CETN3: variants seen among roughly 807,000 people sequenced by gnomAD.
CETN3 encodes the protein centrin-3.
A neutral mutation model predicts 20.1 loss-of-function variants in CETN3; 17 were observed. The ratio of observed to expected loss-of-function variants is 0.85; its 90% confidence interval spans 0.58 to 1.27. The LOEUF (loss-of-function observed/expected upper bound fraction) is 1.27, where lower values mean the gene tolerates loss of function less well. Among genes scored for constraint, CETN3 ranks in the 50% most tolerant of loss-of-function variants. The pLI, the probability that CETN3 is intolerant of heterozygous loss-of-function variation, is 0.00. For synonymous variants in CETN3, 52 were observed against 59.7 expected (o/e 0.87, Z 0.59); for missense variants, 169 against 191.2 (o/e 0.88, Z 0.69).
intron 4 of CETN3, chr5:90,396,585 T>C: frequency 1.0e-5 from 15 of 1,493,570 alleles, no homozygotes; most frequent in Non-Finnish European, 1.3e-5. Context: ...AGAAAAAACA[T>C]AAAACAGCCT....
intron 3 of CETN3, among the ~76,000 whole-genome samples, chr5:90,403,919 G>A (rs1473456866): frequency 7.0e-6 from 1 of 143,728 alleles, no homozygotes; most frequent in Non-Finnish European, 1.5e-5. Context: ...TTTAAATTGT[G>A]TTCATTTAAG....
rs979035095 is a variant in CETN3 at position 90,393,410 on chromosome 5, T to C, written c.*654A>G. 4 of 152,168 alleles carry C rather than the reference T, an allele frequency of 2.6e-5. No individual in the cohort carries two copies. In the East Asian group the frequency reaches 7.7e-4, roughly 29 times the overall value. 9.4% of individuals were successfully genotyped at this position (152,168 alleles called of 1,614,324 possible). ...AGAAAATTAACTTTCATACTTACAA[T>C]GATACCAAGTTAAGAAACATAATAC... On this transcript the variant is annotated 3_prime_UTR_variant, in exon 5 of 5. Transcript: ENST00000283122.
In CETN3 at chr5:90,407,846, A is replaced by T; in HGVS notation, c.18-12T>A. On this transcript the variant is annotated splice_polypyrimidine_tract_variant and intron_variant, in intron 1 of 4. Coordinates refer to ENST00000283122, the MANE Select transcript of CETN3 (RefSeq NM_004365.4). Reference sequence around the variant, plus strand: ...CTACAAGCTCACTTCTATGAAATGGAAAGAAAAAGCCCTTAGTCCACTTTA... The same window carrying T: ...CTACAAGCTCACTTCTATGAAATGGTAAGAAAAAGCCCTTAGTCCACTTTA... 1 of 1,560,598 alleles carries T rather than the reference A, an allele frequency of 6.4e-7. No individual in the cohort carries two copies. Among genetic ancestry groups the T allele is most frequent in the African/African-American group, 1.4e-5 (1 of 72,412 alleles).
chr5:90,399,206 T>A lies in CETN3; in HGVS notation c.460+152A>T, dbSNP rs375468592. 3 of 671,524 alleles carry A rather than the reference T, an allele frequency of 4.5e-6. No individual in the cohort carries two copies. In the East Asian group the frequency reaches 8.1e-5, roughly 18 times the overall value. 41.6% of individuals were successfully genotyped at this position (671,524 alleles called of 1,614,324 possible). On this transcript the variant is annotated intron_variant, in intron 4 of 4. Coordinates refer to ENST00000283122, the MANE Select transcript of CETN3 (RefSeq NM_004365.4). ...TTGGTTTTAGAGATCTGCTTCATTC[T>A]AAATTGAATATGTGAATTATTTAGA... is the stretch of plus-strand genomic sequence containing the variant.
chr5:90,405,668 A>C lies in CETN3; in HGVS notation c.268+17T>G, dbSNP rs1388909491. ...TTCCTAACAGCTGCTGATTACAAAGACTATTAAAATACACACCAACTTCAT... is the reference window on the plus strand; with the variant it reads ...TTCCTAACAGCTGCTGATTACAAAGCCTATTAAAATACACACCAACTTCAT... On this transcript the variant is annotated intron_variant, in intron 3 of 4. Coordinates refer to ENST00000283122, the MANE Select transcript of CETN3 (RefSeq NM_004365.4). 6.9e-7 allele frequency: 1 copy of C among 1,441,616 alleles called. No homozygotes were observed. Among genetic ancestry groups the C allele is most frequent in the Admixed American group, 1.7e-5 (1 of 59,568 alleles). 89.3% of individuals were successfully genotyped at this position (1,441,616 alleles called of 1,614,324 possible). A position where few individuals can be genotyped will look rare whatever the true frequency, so the allele number is the denominator to read the frequency against.
In CETN3 at chr5:90,394,091, G is replaced by A. The variant is rs752520495; in HGVS notation, c.477C>T (p.Phe159=). Residue 159 remains phenylalanine (F), a synonymous_variant, in exon 5 of 5, where the codon TTC becomes TTT. Coordinates refer to ENST00000283122, the MANE Select transcript of CETN3 (RefSeq NM_004365.4). Reference sequence around the variant, plus strand: ...AAATGTCACCAGTCATAATAGCAATGAACTCCTCTTGGTTTACTGTGGTAA... The same window carrying A: ...AAATGTCACCAGTCATAATAGCAATAAACTCCTCTTGGTTTACTGTGGTAA... ...DGDGEINQEE[F]IAIMTGDI 2.6e-6 allele frequency: 4 copies of A among 1,554,008 alleles called. No homozygotes were observed. The highest frequency in any genetic ancestry group is 3.5e-6 in the Non-Finnish European group (4 of 1,134,642).
chr5:90,399,493 G>A lies in CETN3; in HGVS notation c.325C>T (p.Leu109=), dbSNP rs1416963004. Reference sequence around the variant, plus strand: ...TTACCTGAATCATCATCATCAAATAGTTTAAATGCCTTGAGTATTTCTTCA... The same window carrying A: ...TTACCTGAATCATCATCATCAAATAATTTAAATGCCTTGAGTATTTCTTCA... ...PHEEILKAFK[L]FDDDDSGKIS... The change falls in exon 4 of 5, where the codon CTA becomes TTA. Residue 109 remains leucine, a synonymous_variant. Coordinates refer to ENST00000283122, the MANE Select transcript of CETN3 (RefSeq NM_004365.4). 1 of 1,613,708 alleles carries A rather than the reference G, an allele frequency of 6.2e-7. No individual in the cohort carries two copies. Among genetic ancestry groups the A allele is most frequent in the South Asian group, 1.1e-5 (1 of 91,066 alleles).
intron 2 of CETN3, among the ~76,000 whole-genome samples, chr5:90,406,536 G>C (rs931382207): frequency 6.6e-6 from 1 of 151,658 alleles, no homozygotes; most frequent in Non-Finnish European, 1.5e-5. Flanking sequence ...GAGTTCAGGA[G>C]GAAGAAAGCA....
intron 1 of CETN3, among the ~76,000 whole-genome samples, chr5:90,408,137 A>G (rs1749511420): frequency 6.6e-6 from 1 of 152,154 alleles, no homozygotes; most frequent in African/African-American, 2.4e-5. Flanking sequence ...TGAATAAGCA[A>G]CACTACTTTT....
chr5:90,409,579 C>CCA (rs758872807), intron 1 of CETN3, 66 bp downstream of exon 1: 1 of 1,595,854 alleles, frequency 6.3e-7, no homozygotes, highest in Non-Finnish European at 8.6e-7. Context: ...GTCCTCCCTT[C>CCA]CACACACACC....
intron 3 of CETN3, among the ~76,000 whole-genome samples, chr5:90,403,225 C>G (rs572038120): frequency 2.6e-4 from 39 of 152,068 alleles, no homozygotes; most frequent in Non-Finnish European, 5.6e-4. Flanking sequence ...AACTAGGACT[C>G]AAATGTTATG....
intron 4 of CETN3, among the ~76,000 whole-genome samples, chr5:90,394,317 T>G (rs1477702320): frequency 6.6e-6 from 1 of 152,054 alleles, no homozygotes; most frequent in Non-Finnish European, 1.5e-5. Context: ...ACATATAATG[T>G]GATAAACATT....
chr5:90,400,175 T>C (rs1214124714), intron 3 of CETN3, among the ~76,000 whole-genome samples: 1 of 152,156 alleles, frequency 6.6e-6, no homozygotes, highest in African/African-American at 2.4e-5. Flanking sequence ...GGATCAAATC[T>C]GACTATAGCA....
chr5:90,399,235 A>G (rs2151882396), intron 4 of CETN3, 123 bp downstream of exon 4: 1 of 743,612 alleles, frequency 1.3e-6, no homozygotes, highest in African/African-American at 1.8e-5. Flanking sequence ...ATTTAGACAG[A>G]AGGTCCATTA....
chr5:90,395,947 A>C, intron 4 of CETN3: 1 of 924,944 alleles, frequency 1.1e-6, no homozygotes, highest in Non-Finnish European at 1.3e-6. Flanking sequence ...CAGTTTTTAT[A>C]CTTGAAACAG....
In CETN3 at chr5:90,407,810, T is replaced by C. The variant is rs763618461; in HGVS notation, c.42A>G (p.Thr14=). Residue 14 remains threonine (T), a synonymous_variant, in exon 2 of 5, where the codon ACA becomes ACG. Coordinates refer to ENST00000283122, the MANE Select transcript of CETN3 (RefSeq NM_004365.4). ...ACAGTTCTCTTCTTTTTTTCCTCTTTGTTTTGTCCACTACAAGCTCACTTC... is the reference window on the plus strand; with the variant it reads ...ACAGTTCTCTTCTTTTTTTCCTCTTCGTTTTGTCCACTACAAGCTCACTTC... ...ALRSELVVDK[T]KRKKRRELSE... 2 of 1,600,732 alleles carry C rather than the reference T, an allele frequency of 1.2e-6. No homozygotes were observed. Among genetic ancestry groups the C allele is most frequent in the Admixed American group, 3.4e-5 (2 of 58,224 alleles).
intron 3 of CETN3, among the ~76,000 whole-genome samples, chr5:90,402,664 A>C (rs1009597639): frequency 7.2e-5 from 11 of 152,222 alleles, no homozygotes; most frequent in Admixed American, 2.0e-4. Context: ...AGGGCCATAA[A>C]GTCTCTAACT....
intron 4 of CETN3, among the ~76,000 whole-genome samples, chr5:90,396,827 G>A (rs1273233947): frequency 6.6e-6 from 1 of 151,954 alleles, no homozygotes; most frequent in African/African-American, 2.4e-5. Flanking sequence ...CATTTCAAAA[G>A]TATTTAAAAT....
chr5:90,403,955 A>T (rs1035981499), intron 3 of CETN3, among the ~76,000 whole-genome samples: 2 of 151,412 alleles, frequency 1.3e-5, no homozygotes, highest in Non-Finnish European at 2.9e-5. Flanking sequence ...TTGTAAAATT[A>T]TTAGTGATGA....
Sources: gnomAD v4.1 joint callset for allele counts (sites outside exome capture counted in the v4.1 genomes callset) on GRCh38, gnomAD v4.1.1 for gene constraint, MANE v1.5 for transcripts, NCBI Gene and HGNC (gene_info 2026-07-23, HGNC 2026-07-21) for gene names.